GRK7: variants seen among roughly 807,000 people sequenced by gnomAD.
The protein encoded by GRK7 is rhodopsin kinase GRK7.
GRK7 carries 24 observed loss-of-function variants against 34.1 expected under a neutral mutation model. The observed-to-expected ratio is 0.70, with a 90% CI of 0.51 to 0.99. The LOEUF (loss-of-function observed/expected upper bound fraction) is 0.99, where lower values mean the gene tolerates loss of function less well. GRK7 is among the 50% of genes least tolerant of loss of function. The pLI, the probability that GRK7 is intolerant of heterozygous loss-of-function variation, is 0.00. For missense variants in GRK7, 644 were observed against 707.3 expected (o/e 0.91, Z 1.02); for synonymous variants, 256 against 279.4 (o/e 0.92, Z 0.84).
chr3:141,771,080 A>T (rs1424177380), intron 1 of GRK7, among the ~76,000 whole-genome samples: 1 of 152,118 alleles, frequency 6.6e-6, no homozygotes, highest in Non-Finnish European at 1.5e-5. Flanking sequence ...ATCTCCTCAA[A>T]GGAAATCATT....
the GRK7 span, among the ~76,000 whole-genome samples, chr3:141,750,272 A>G: frequency 6.6e-6 from 1 of 152,202 alleles, no homozygotes; most frequent in Non-Finnish European, 1.5e-5. Context: ...TACACTTGAT[A>G]AATCTGATTC....
At chr3:141,785,334 T>A (rs2084690707) in intron 4 of GRK7, among the ~76,000 whole-genome samples, 1 of 152,244 alleles carries the variant, frequency 6.6e-6, no homozygotes, top group Non-Finnish European at 1.5e-5. Context: ...TGTTCAGCAA[T>A]TTCACGGACA....
chr3:141,800,541 G>A (rs1201223446), intron 4 of GRK7, among the ~76,000 whole-genome samples: 1 of 152,034 alleles, frequency 6.6e-6, no homozygotes, highest in Admixed American at 6.6e-5. Context: ...AGAAGATAAG[G>A]CCTCCATGAA....
At position 141,778,387 on chromosome 3, in the gene GRK7, C is replaced by T. The variant is rs779099651; in HGVS notation, c.103C>T (p.Arg35Cys). The T allele has an allele frequency of 1.9e-6, 3 of 1,611,984 alleles. No individual in the cohort carries two copies. Among genetic ancestry groups the T allele is most frequent in the Non-Finnish European group, 2.5e-6 (3 of 1,179,236 alleles). The part of the protein sequence containing the change: ...CDSKELQRRR[R>C]SLALPGLQGC... ...CAGCAAAGAGCTGCAGCGGCGGCGGCGTAGCCTGGCCCTGCCCGGGCTGCA... is the reference window on the plus strand; with the variant it reads ...CAGCAAAGAGCTGCAGCGGCGGCGGTGTAGCCTGGCCCTGCCCGGGCTGCA... The change falls in exon 3 of 6, where the codon CGT becomes TGT. Residue 35 changes from arginine to cysteine, a missense_variant. Transcript: ENST00000682958. This position sits in a 1 kb window ranked among gnomAD's most constrained non-coding sequence, Gnocchi z 4.1.
In GRK7 at chr3:141,794,687, G is replaced by T. The variant is rs1577920691; in HGVS notation, c.1051-12958G>T. Among the ~76,000 whole-genome samples, 3 of 152,288 alleles carry T rather than the reference G, an allele frequency of 2.0e-5. No homozygotes were observed. In the South Asian group the frequency reaches 6.2e-4, roughly 32 times the overall value. The stretch of plus-strand genomic sequence containing the variant: ...ATTGGAGGAGATTCAGGTAGTTTGT[G>T]GTCTTTGTAATCCAGGTAAGAGGTG... On this transcript the variant is annotated intron_variant, in intron 4 of 5. Coordinates refer to ENST00000682958, the MANE Select transcript of GRK7 (RefSeq NM_139209.3).
intron 1 of GRK7, among the ~76,000 whole-genome samples, chr3:141,772,786 A>G (rs1299381821): frequency 6.6e-6 from 1 of 152,206 alleles, no homozygotes; most frequent in Non-Finnish European, 1.5e-5. Context: ...ATTGCTTTCT[A>G]CTATCATAAA....
intron 5 of GRK7, among the ~76,000 whole-genome samples, chr3:141,814,367 C>A (rs1388201773): frequency 3.3e-5 from 5 of 152,058 alleles, no homozygotes; most frequent in Admixed American, 2.6e-4. Context: ...GTTTTTCAAC[C>A]CTTGCCACAC....
At chr3:141,762,763 C>T (rs1025099468), upstream of GRK7, among the ~76,000 whole-genome samples, 167 of 152,184 alleles carry the variant, frequency 1.1e-3, no homozygotes, top group African/African-American at 3.9e-3. Flanking sequence ...TAGCAATCAG[C>T]GAGATTCCGT....
intron 1 of GRK7, among the ~76,000 whole-genome samples, chr3:141,769,842 C>G (rs889804489): frequency 6.6e-6 from 1 of 152,180 alleles, no homozygotes; most frequent in Non-Finnish European, 1.5e-5. Flanking sequence ...CCAGACAGCC[C>G]CTGTATTACT....
chr3:141,779,540 A>G (rs922085651), intron 3 of GRK7, among the ~76,000 whole-genome samples: 1 of 152,180 alleles, frequency 6.6e-6, no homozygotes, highest in African/African-American at 2.4e-5. Flanking sequence ...TTCAGGTAAA[A>G]TTTGCTTGAT....
intron 5 of GRK7, among the ~76,000 whole-genome samples, chr3:141,810,122 C>T (rs1711077200): frequency 1.3e-5 from 2 of 152,200 alleles, no homozygotes; most frequent in African/African-American, 4.8e-5. Context: ...AAAAGACTGA[C>T]TTCCCCAGAA....
intron 5 of GRK7, among the ~76,000 whole-genome samples, chr3:141,808,291 C>T (rs1363313493): frequency 2.0e-5 from 3 of 152,164 alleles, no homozygotes; most frequent in African/African-American, 7.2e-5. Context: ...ACTGTATCAC[C>T]TTAGTTTCTT....
chr3:141,804,635 TCA>T (rs1200282880), intron 4 of GRK7, among the ~76,000 whole-genome samples: 1 of 145,062 alleles, frequency 6.9e-6, no homozygotes, highest in Non-Finnish European at 1.5e-5. Context: ...ATACACACAC[TCA>T]CACACATGCA....
At chr3:141,804,964 ACT>A (rs1711012275) in intron 4 of GRK7, among the ~76,000 whole-genome samples, 1 of 149,976 alleles carries the variant, frequency 6.7e-6, no homozygotes, top group South Asian at 2.1e-4. Context: ...TACACACCAC[ACT>A]CACATACACA....
In GRK7 at chr3:141,778,358, G is replaced by A. The variant is rs774012349; in HGVS notation, c.74G>A (p.Cys25Tyr). 4.3e-6 allele frequency: 7 copies of A among 1,610,352 alleles called. No homozygotes were observed. Among genetic ancestry groups the A allele is most frequent in the Non-Finnish European group, 5.9e-6 (7 of 1,177,656 alleles). The stretch of plus-strand genomic sequence containing the variant: ...CTGCAGGCCCGGAAGCCCTCGGACT[G>A]CGACAGCAAAGAGCTGCAGCGGCGG... ...AYLQARKPSD[C>Y]DSKELQRRRR... Residue 25 changes from cysteine (C) to tyrosine (Y), a missense_variant, in exon 3 of 6, where the codon TGC becomes TAC. By Grantham distance (194) the Cys-to-Tyr change is radical. Coordinates refer to ENST00000682958, the MANE Select transcript of GRK7 (RefSeq NM_139209.3). This position sits in a 1 kb window ranked among gnomAD's most constrained non-coding sequence, Gnocchi z 4.1.
At chr3:141,814,920 G>GTT (rs33965909) in intron 5 of GRK7, among the ~76,000 whole-genome samples, 14,745 of 120,260 alleles carry the variant, frequency 0.12, 1,062 homozygotes, top group Non-Finnish European at 0.15. Context: ...TTGTTGGTTG[G>GTT]TTTTTTTTTT....
intron 5 of GRK7, among the ~76,000 whole-genome samples, chr3:141,811,929 T>C (rs946397500): frequency 1.3e-5 from 2 of 152,150 alleles, no homozygotes; most frequent in Admixed American, 1.3e-4. Context: ...CTCCAGGGGC[T>C]CCAGATGGGA....
the GRK7 span, among the ~76,000 whole-genome samples, chr3:141,755,418 T>A: frequency 2.0e-5 from 3 of 151,802 alleles, no homozygotes; most frequent in Admixed American, 1.3e-4. Context: ...TGCCTCAATG[T>A]CTCTACAACA....
intron 4 of GRK7, among the ~76,000 whole-genome samples, chr3:141,805,901 A>T (rs969941738): frequency 6.6e-6 from 1 of 152,074 alleles, no homozygotes; most frequent in Admixed American, 6.6e-5. Flanking sequence ...GGCTGAAGGG[A>T]TCCTCCCATT....
Sources: allele counts gnomAD v4.1 joint callset (sites outside exome capture counted in the v4.1 genomes callset), GRCh38; gene constraint gnomAD v4.1.1; non-coding constraint Gnocchi (gnomAD v3.1); transcripts MANE v1.5; gene names NCBI Gene and HGNC (gene_info 2026-07-23, HGNC 2026-07-21).